Variants in LYRM4 observed in about 807,000 individuals in gnomAD.
The protein encoded by LYRM4 is LYR motif containing 4, also known as LYR motif-containing protein 4.
In LYRM4, 9 loss-of-function variants were observed where a neutral mutation model predicts 11.7. The observed-to-expected ratio is 0.77, with a 90% CI of 0.46 to 1.34. The LOEUF is 1.34. Among genes scored for constraint, LYRM4 ranks in the 40% most tolerant of loss-of-function variants. The pLI is 0.00. For missense variants in LYRM4, 133 were observed against 112.5 expected, an observed-to-expected ratio of 1.18 and a Z score of -0.82; for synonymous variants, 42 against 40.4, an observed-to-expected ratio of 1.04 and a Z score of -0.15.
chr6:5,216,874 C>G lies in LYRM4; in HGVS notation c.87-136G>C, dbSNP rs1009583250. The G allele has an allele frequency of 4.7e-6, 5 of 1,067,538 alleles. No homozygotes were observed. In the Admixed American group the frequency reaches 8.6e-5, roughly 18 times the overall value. The allele number at this position is 1,067,538 out of a possible 1,614,324, so 66.1% of individuals were successfully genotyped here. ...CGGATAATCCACTTTGATCTTTGCT[C>G]GTGGCGCAGGCTGATCCACTACCAT... On this transcript the variant is annotated intron_variant, in intron 1 of 2. Transcript: ENST00000330636.
chr6:5,113,760 TCTCA>T lies in LYRM4; in HGVS notation c.208-4273_208-4270del, dbSNP rs1225084343. Among the ~76,000 whole-genome samples the T allele has an allele frequency of 3.3e-5, 5 of 151,790 alleles. No individual in the cohort carries two copies. In the East Asian group the frequency reaches 9.7e-4, roughly 29 times the overall value. ...CTTTTTTTTTTTTTTAGAGACAGGT[TCTCA>T]CTATGTTGCCCAGGCTGGTCTTGAA... On this transcript the variant is annotated intron_variant, in intron 2 of 2. Coordinates refer to ENST00000330636, the MANE Select transcript of LYRM4 (RefSeq NM_020408.6).
chr6:5,248,416 A>G (rs189597826), intron 1 of LYRM4, among the ~76,000 whole-genome samples: 29 of 152,366 alleles, frequency 1.9e-4, no homozygotes, highest in African/African-American at 6.7e-4. Flanking sequence ...CAATCTGCAG[A>G]AAACACCTGA....
the LYRM4 span, among the ~76,000 whole-genome samples, chr6:5,063,882 A>C: frequency 3.3e-5 from 5 of 152,148 alleles, no homozygotes; most frequent in African/African-American, 1.2e-4. Context: ...AGAAAGTGGC[A>C]TGCGCTGGTC....
chr6:5,075,058 T>G, the LYRM4 span, among the ~76,000 whole-genome samples: 2 of 152,140 alleles, frequency 1.3e-5, no homozygotes, highest in Non-Finnish European at 2.9e-5. Flanking sequence ...GCTCCCTCTC[T>G]TGCCATGTGA....
intron 2 of LYRM4, among the ~76,000 whole-genome samples, chr6:5,127,139 G>C (rs2127608553): frequency 6.6e-6 from 1 of 152,220 alleles, no homozygotes; most frequent in Middle Eastern, 3.4e-3. Flanking sequence ...TAGTAGAGAT[G>C]GGATTTCACC....
rs968606439 is a variant in LYRM4, at chr6:5,119,794, C to CAAAAAAAAA, written c.208-10312_208-10304dup. On this transcript the variant is annotated intron_variant, in intron 2 of 2. Coordinates refer to ENST00000330636, the MANE Select transcript of LYRM4 (RefSeq NM_020408.6). Reference sequence around the variant, plus strand: ...GCAGAATGAGACTCTGTCTCCATAACAAAAAAAAAAAAAAAAAAAAAAAAA... The same window carrying CAAAAAAAAA: ...GCAGAATGAGACTCTGTCTCCATAACAAAAAAAAAAAAAAAAAAAAAAAAAAAAAAAAAA... Among the ~76,000 whole-genome samples, 20 of 16,864 alleles carry CAAAAAAAAA rather than the reference C, an allele frequency of 1.2e-3. 1 individual carries two copies. Among genetic ancestry groups the CAAAAAAAAA allele is most frequent in the East Asian group, 6.1e-3 (3 of 492 alleles). 11.1% of individuals were successfully genotyped at this position (16,864 alleles called of 152,430 possible). A position where few individuals can be genotyped will look rare whatever the true frequency, so the allele number is the denominator to read the frequency against.
intron 1 of LYRM4, among the ~76,000 whole-genome samples, chr6:5,229,521 T>G (rs1763107632): frequency 6.6e-6 from 1 of 152,122 alleles, no homozygotes; most frequent in African/African-American, 2.4e-5. Context: ...TGGTGCAGAA[T>G]TTCTTCCTCC....
chr6:5,038,879 G>GGAGAGA, the LYRM4 span, among the ~76,000 whole-genome samples: 1 of 90,870 alleles, frequency 1.1e-5, no homozygotes, highest in African/African-American at 5.2e-5. Context: ...AGGAGACCGT[G>GGAGAGA]GAGGGAGAGA....
intron 1 of LYRM4, among the ~76,000 whole-genome samples, chr6:5,241,668 A>T (rs73719776): frequency 0.021 from 3,207 of 152,308 alleles, 97 homozygotes; most frequent in African/African-American, 0.072. Context: ...CTGAAACTTG[A>T]TAAGTTCTAT....
chr6:5,171,909 A>G (rs1362328623), intron 2 of LYRM4, among the ~76,000 whole-genome samples: 1 of 152,212 alleles, frequency 6.6e-6, no homozygotes, highest in African/African-American at 2.4e-5. Context: ...CTCAGAGTTC[A>G]TCAATTTCTA....
At chr6:5,061,675 A>G in the LYRM4 span, among the ~76,000 whole-genome samples, 1 of 152,160 alleles carries the variant, frequency 6.6e-6, no homozygotes, top group Non-Finnish European at 1.5e-5. Context: ...CCGATCCATG[A>G]CCATTGAAAT....
At chr6:5,177,866 A>T (rs548068997) in intron 2 of LYRM4, among the ~76,000 whole-genome samples, 12 of 152,330 alleles carry the variant, frequency 7.9e-5, no homozygotes, top group Non-Finnish European at 1.6e-4. Flanking sequence ...TTCCAAGAAC[A>T]TACTAGGCCT....
At position 5,120,945 on chromosome 6, in the gene LYRM4, C is replaced by A. The variant is rs975600616; in HGVS notation, c.208-11454G>T. ...CTCAGTAGGACCTAGGTGGCCCAGC[C>A]CTACCTGTGGAATTTCTCATCAGGG... On this transcript the variant is annotated intron_variant, in intron 2 of 2. Transcript: ENST00000330636. Among the ~76,000 whole-genome samples, 4 of 152,182 alleles carry A rather than the reference C, an allele frequency of 2.6e-5. No individual in the cohort carries two copies. In the South Asian group the frequency reaches 8.3e-4, roughly 32 times the overall value.
At chr6:5,172,068 C>T (rs952700071) in intron 2 of LYRM4, among the ~76,000 whole-genome samples, 1 of 152,060 alleles carries the variant, frequency 6.6e-6, no homozygotes, top group East Asian at 1.9e-4. Flanking sequence ...CTCCTGGCTA[C>T]AGAATGCAAA....
chr6:5,138,683 T>A (rs1581357147), intron 2 of LYRM4: 3 of 1,515,276 alleles, frequency 2.0e-6, no homozygotes, highest in African/African-American at 2.8e-5. Context: ...CACAAGAAAA[T>A]ATCAAGATGC....
intron 1 of LYRM4, among the ~76,000 whole-genome samples, chr6:5,254,617 C>G (rs917488613): frequency 6.6e-6 from 1 of 152,192 alleles, no homozygotes; most frequent in Non-Finnish European, 1.5e-5. Context: ...TGTGCCCTAA[C>G]AAAGGTAAGA....
chr6:5,105,013 A>ACCT (rs1165265398), downstream of LYRM4: 2 of 152,104 alleles, frequency 1.3e-5, no homozygotes, highest in Non-Finnish European at 1.5e-5. Flanking sequence ...CATACAGGAG[A>ACCT]CCTGCAGTTT....
intron 2 of LYRM4, among the ~76,000 whole-genome samples, chr6:5,124,899 C>A (rs897182340): frequency 6.6e-6 from 1 of 152,236 alleles, no homozygotes; most frequent in Admixed American, 6.5e-5. Context: ...ACCAGCCACA[C>A]TGGGTTGTGA....
chr6:5,149,432 T>C (rs1757966047), intron 2 of LYRM4, among the ~76,000 whole-genome samples: 2 of 152,138 alleles, frequency 1.3e-5, no homozygotes, highest in Non-Finnish European at 2.9e-5. Context: ...GCTAGGGAGA[T>C]TTTCAGTGGT....
Sources: allele counts gnomAD v4.1 joint callset (sites outside exome capture counted in the v4.1 genomes callset), GRCh38; gene constraint gnomAD v4.1.1; transcripts MANE v1.5; gene names NCBI Gene and HGNC (gene_info 2026-07-23, HGNC 2026-07-21).